The following ACLY variants were observed in gnomAD, a reference collection of about 807,000 sequenced individuals.
ACLY encodes the protein ATP-citrate synthase.
In ACLY, 41 loss-of-function variants were observed where a neutral mutation model predicts 133.0. The ratio of observed to expected loss-of-function variants is 0.31; its 90% confidence interval spans 0.24 to 0.40. The LOEUF is 0.40. ACLY is among the 10% of genes least tolerant of loss of function. The probability of loss-of-function intolerance (pLI) is 1.00; values close to 1 mark genes in which losing one functional copy is unlikely to be tolerated. For missense variants in ACLY, 1,046 were observed against 1,453.8 expected (o/e 0.72, Z 4.56); for synonymous variants, 495 against 549.3 (o/e 0.90, Z 1.38).
upstream of ACLY, chr17:41,919,010 C>T (rs2144443889): frequency 7.8e-7 from 1 of 1,285,826 alleles, no homozygotes; most frequent in South Asian, 1.2e-5. Flanking sequence ...TTTCCCCGCC[C>T]CCATCGGCTC....
rs1555633784 is a variant in ACLY at position 41,912,408 on chromosome 17, A to G, written c.282+12T>C. 15 of 1,613,714 alleles carry G rather than the reference A, an allele frequency of 9.3e-6. No homozygotes were observed. Among genetic ancestry groups the G allele is most frequent in the Non-Finnish European group, 1.2e-5 (14 of 1,179,790 alleles). On this transcript the variant is annotated intron_variant, in intron 3 of 28. Coordinates refer to ENST00000352035, the MANE Select transcript of ACLY (RefSeq NM_001096.3). ...TACCACACACGTTCATCCTGACCCCATGCCCACTCACTGTGGCTTCCTGTC... is the reference window on the plus strand; with the variant it reads ...TACCACACACGTTCATCCTGACCCCGTGCCCACTCACTGTGGCTTCCTGTC...
chr17:41,900,794 T>A (rs181022479), intron 11 of ACLY, among the ~76,000 whole-genome samples: 20 of 152,112 alleles, frequency 1.3e-4, no homozygotes, highest in Admixed American at 1.2e-3. Flanking sequence ...TGTCTCACAG[T>A]GATGGCCAAG....
chr17:41,912,350 T>C (rs2049928046), intron 3 of ACLY, 70 bp downstream of exon 3: 1 of 1,577,562 alleles, frequency 6.3e-7, no homozygotes, highest in Non-Finnish European at 8.6e-7. Flanking sequence ...TCCACAGAGC[T>C]GCTGACCTGG....
chr17:41,869,222 C>A (rs2048537604), intron 26 of ACLY, 97 bp from the exon 27 acceptor site: 2 of 1,162,430 alleles, frequency 1.7e-6, no homozygotes, highest in South Asian at 1.3e-5. Context: ...TTGTGACCAT[C>A]ATTTAAAAAC....
chr17:41,917,169 T>C lies in ACLY; in HGVS notation c.-24+1711A>G, dbSNP rs2050073956. On this transcript the variant is annotated intron_variant, in intron 1 of 28. Transcript: ENST00000352035. ...AAAAAAAAAAAAAGAATATTTGCTC[T>C]AGTGGAATCAGCAAATACCTACAAA... 2.0e-5 allele frequency among the ~76,000 whole-genome samples: 3 copies of C among 149,754 alleles called. No homozygotes were observed. The South Asian group carries it at 6.3e-4, about 32-fold the overall frequency.
chr17:41,916,377 TG>T (rs2050052202), intron 1 of ACLY, among the ~76,000 whole-genome samples: 1 of 142,090 alleles, frequency 7.0e-6, no homozygotes, highest in East Asian at 2.0e-4. Flanking sequence ...TGTTTTGTTT[TG>T]TTTTTTTTTT....
At chr17:41,870,196 G>T (rs1426825522) in intron 25 of ACLY, among the ~76,000 whole-genome samples, 1 of 152,304 alleles carries the variant, frequency 6.6e-6, no homozygotes, top group Admixed American at 6.5e-5. Flanking sequence ...AAAGCGGGGA[G>T]CTCAAAGAGT....
intron 18 of ACLY, among the ~76,000 whole-genome samples, chr17:41,885,622 G>C (rs1287820132): frequency 6.6e-6 from 1 of 152,090 alleles, no homozygotes; most frequent in African/African-American, 2.4e-5. Flanking sequence ...GCAGGCCCTG[G>C]CTCAGACACT....
upstream of ACLY, among the ~76,000 whole-genome samples, chr17:41,922,865 C>T (rs1555635602): frequency 6.6e-6 from 1 of 152,198 alleles, no homozygotes; most frequent in Admixed American, 6.5e-5. Flanking sequence ...CATGAGCCAG[C>T]CACTGAGGTT....
chr17:41,910,602 C>T (rs974884184), intron 3 of ACLY, among the ~76,000 whole-genome samples: 11 of 152,274 alleles, frequency 7.2e-5, no homozygotes, highest in Middle Eastern at 3.4e-3. Context: ...CAGAGCTTGA[C>T]GGGGAGGGGA....
chr17:41,920,715 T>C (rs537194225), upstream of ACLY, among the ~76,000 whole-genome samples: 2 of 151,312 alleles, frequency 1.3e-5, no homozygotes, highest in Non-Finnish European at 2.9e-5. Context: ...AAGTACAGCC[T>C]GGGTAACATG....
intron 17 of ACLY, among the ~76,000 whole-genome samples, chr17:41,886,777 C>A (rs2049057162): frequency 6.6e-6 from 1 of 151,852 alleles, no homozygotes. Context: ...CCACTGCACT[C>A]CAGCAACACA....
At chr17:41,896,520 A>T in intron 14 of ACLY, 100 bp downstream of exon 14, 1 of 1,124,342 alleles carries the variant, frequency 8.9e-7, no homozygotes, top group Non-Finnish European at 1.3e-6. Flanking sequence ...ACCAGACGAC[A>T]CTGCAACCCA....
chr17:41,899,450 C>G (rs969174314), intron 11 of ACLY, among the ~76,000 whole-genome samples: 1 of 152,130 alleles, frequency 6.6e-6, no homozygotes. Context: ...ACCCTGAGCC[C>G]ATTCCCCCAG....
At chr17:41,900,669 G>A (rs543549423) in intron 11 of ACLY, among the ~76,000 whole-genome samples, 1 of 152,156 alleles carries the variant, frequency 6.6e-6, no homozygotes, top group East Asian at 1.9e-4. Flanking sequence ...AGGCCGCAAT[G>A]AGCTATGATG....
intron 23 of ACLY, among the ~76,000 whole-genome samples, chr17:41,872,386 T>A (rs1555625300): frequency 1.3e-5 from 2 of 152,200 alleles, no homozygotes; most frequent in African/African-American, 2.4e-5. Flanking sequence ...AATGCAGTAG[T>A]GTGATCTTGG....
chr17:41,917,675 G>A (rs927664462), intron 1 of ACLY, among the ~76,000 whole-genome samples: 7 of 152,106 alleles, frequency 4.6e-5, no homozygotes, highest in African/African-American at 1.7e-4. Flanking sequence ...TATTTTTTGA[G>A]AAGACAGGCA....
rs909089376 is a variant in ACLY at position 41,912,291 on chromosome 17, C to T, written c.282+129G>A. ...CAGCCACCTGAGTGGGTCAGCGCCA[C>T]AGGACTCCTGCCTTCCCTGAGCTAC... On this transcript the variant is annotated intron_variant, in intron 3 of 28. Transcript: ENST00000352035. The T allele has an allele frequency of 1.5e-5, 20 of 1,309,894 alleles. No individual in the cohort carries two copies. The African/African-American group carries it at 2.6e-4, about 17-fold the overall frequency. 81.1% of individuals were successfully genotyped at this position (1,309,894 alleles called of 1,614,324 possible). A position where few individuals can be genotyped will look rare whatever the true frequency, so the allele number is the denominator to read the frequency against.
intron 17 of ACLY, 64 bp downstream of exon 17, chr17:41,887,535 C>G (rs1292469794): frequency 1.4e-6 from 2 of 1,391,598 alleles, no homozygotes; most frequent in Non-Finnish European, 1.0e-6. Flanking sequence ...AGTAAACTTC[C>G]TAAGGGCATT....
Sources: gnomAD v4.1 joint callset for allele counts (sites outside exome capture counted in the v4.1 genomes callset) on GRCh38, gnomAD v4.1.1 for gene constraint, MANE v1.5 for transcripts, NCBI Gene and HGNC (gene_info 2026-07-23, HGNC 2026-07-21) for gene names.